BCKDHB: variants seen among roughly 807,000 people sequenced by gnomAD.
The protein encoded by BCKDHB is 2-oxoisovalerate dehydrogenase subunit beta, mitochondrial.
BCKDHB carries 41 observed loss-of-function variants against 48.5 expected under a neutral mutation model. That is an observed-to-expected ratio of 0.85 (90% confidence interval 0.66 to 1.10). The LOEUF (loss-of-function observed/expected upper bound fraction) is 1.10, where lower values mean the gene tolerates loss of function less well. Among genes scored for constraint, BCKDHB ranks in the 50% least tolerant of loss-of-function variants. BCKDHB has a pLI of 0.00. For missense variants in BCKDHB, 496 were observed against 494.2 expected (o/e 1.00, Z -0.03); for synonymous variants, 201 against 174.8 (o/e 1.15, Z -1.18).
At chr6:80,149,819 G>A (rs1771675835) in intron 3 of BCKDHB, among the ~76,000 whole-genome samples, 2 of 142,060 alleles carry the variant, frequency 1.4e-5, no homozygotes, top group Admixed American at 7.2e-5. Flanking sequence ...TACACTCTGG[G>A]GACTGTTATG....
chr6:80,164,052 C>G lies in BCKDHB; in HGVS notation c.344-3626C>G, dbSNP rs535983059. Among the ~76,000 whole-genome samples, 11 of 152,264 alleles carry G rather than the reference C, an allele frequency of 7.2e-5. No homozygotes were observed. The East Asian group carries it at 1.9e-3, about 27-fold the overall frequency. On this transcript the variant is annotated intron_variant, in intron 3 of 9. Coordinates refer to ENST00000320393, the MANE Select transcript of BCKDHB (RefSeq NM_183050.4). Reference sequence around the variant, plus strand: ...CTATTGACAGGCTATTCACCAAATACGAGTCAGAAGGATCCTGTTGAAATG... The same window carrying G: ...CTATTGACAGGCTATTCACCAAATAGGAGTCAGAAGGATCCTGTTGAAATG...
chr6:80,318,829 G>A (rs115140056), intron 9 of BCKDHB, among the ~76,000 whole-genome samples: 6,971 of 151,780 alleles, frequency 0.046, 528 homozygotes, highest in African/African-American at 0.16. Context: ...ATAATCTAGA[G>A]ATGACTTAAA....
At chr6:80,407,332 T>C in the BCKDHB span, among the ~76,000 whole-genome samples, 1 of 152,164 alleles carries the variant, frequency 6.6e-6, no homozygotes, top group African/African-American at 2.4e-5. Flanking sequence ...TTGTCCTTGC[T>C]ATGCAGGCTC....
chr6:80,308,230 C>G (rs1335744629), intron 9 of BCKDHB, among the ~76,000 whole-genome samples: 5 of 151,688 alleles, frequency 3.3e-5, no homozygotes, highest in Admixed American at 6.6e-5. Flanking sequence ...TTGATTCCAG[C>G]TTATTTTCAT....
the BCKDHB span, among the ~76,000 whole-genome samples, chr6:80,416,841 T>G: frequency 1.3e-5 from 2 of 151,854 alleles, no homozygotes; most frequent in African/African-American, 4.8e-5. Flanking sequence ...TTGCTTTTTT[T>G]GTTTGTCTGG....
the BCKDHB span, among the ~76,000 whole-genome samples, chr6:80,426,240 A>T: frequency 6.6e-6 from 1 of 152,146 alleles, no homozygotes. Flanking sequence ...ACTCTATAGG[A>T]TGTTGAATTC....
Position 80,106,904 on chromosome 6 carries a change from T to C in BCKDHB, c.196+15T>C. ...CCGGGAGTACGGTGAGCCCTGGGAC[T>C]GCCCACTCGGTCCCGCTGCAGCCCG... On this transcript the variant is annotated intron_variant, in intron 1 of 9. Coordinates refer to ENST00000320393, the MANE Select transcript of BCKDHB (RefSeq NM_183050.4). 6.3e-7 allele frequency: 1 copy of C among 1,596,156 alleles called. No individual in the cohort carries two copies. The highest frequency in any genetic ancestry group is 8.5e-7 in the Non-Finnish European group (1 of 1,172,238).
chr6:80,432,964 C>T, the BCKDHB span, among the ~76,000 whole-genome samples: 5 of 152,176 alleles, frequency 3.3e-5, no homozygotes, highest in South Asian at 1.0e-3. Flanking sequence ...ACTCCAGACC[C>T]TGTTTGCCTG....
intron 3 of BCKDHB, among the ~76,000 whole-genome samples, chr6:80,136,737 A>G (rs1268804501): frequency 6.6e-6 from 1 of 152,138 alleles, no homozygotes; most frequent in Non-Finnish European, 1.5e-5. Flanking sequence ...TATATGGAGA[A>G]CTTCTAAAAC....
At chr6:80,121,687 T>C (rs980977714) in intron 1 of BCKDHB, among the ~76,000 whole-genome samples, 2 of 152,236 alleles carry the variant, frequency 1.3e-5, no homozygotes, top group East Asian at 3.8e-4. Context: ...ATGCTTGTGA[T>C]TTTTGCACAT....
At chr6:80,308,031 G>A (rs980198294) in intron 9 of BCKDHB, 1 of 526,702 alleles carries the variant, frequency 1.9e-6, no homozygotes, top group Non-Finnish European at 2.4e-6. Flanking sequence ...CCTTGGAAGA[G>A]CTGATAGTCT....
chr6:80,123,745 T>G (rs1770175373), intron 1 of BCKDHB, among the ~76,000 whole-genome samples: 1 of 152,226 alleles, frequency 6.6e-6, no homozygotes, highest in African/African-American at 2.4e-5. Context: ...GATATCTCCT[T>G]TATCATTTTT....
the BCKDHB span, among the ~76,000 whole-genome samples, chr6:80,430,723 A>C: frequency 6.6e-6 from 1 of 151,894 alleles, no homozygotes; most frequent in Non-Finnish European, 1.5e-5. Context: ...CTTCTTTATG[A>C]GTCTCGCTAG....
chr6:80,226,950 C>T (rs1442938238), intron 8 of BCKDHB, among the ~76,000 whole-genome samples: 2 of 152,134 alleles, frequency 1.3e-5, no homozygotes, highest in African/African-American at 4.8e-5. Flanking sequence ...GTGAGTCAAC[C>T]TCTTCTTTAT....
At chr6:80,374,150 C>T in the BCKDHB span, 9 of 714,336 alleles carry the variant, frequency 1.3e-5, no homozygotes, top group Non-Finnish European at 2.3e-5. Flanking sequence ...AGGGAGAGCT[C>T]ATGTATGGGT....
chr6:80,383,829 G>A, the BCKDHB span, among the ~76,000 whole-genome samples: 1 of 151,534 alleles, frequency 6.6e-6, no homozygotes, highest in Non-Finnish European at 1.5e-5. Flanking sequence ...AATACAATAT[G>A]GGTTTAACAT....
intron 9 of BCKDHB, among the ~76,000 whole-genome samples, chr6:80,317,475 TGCATCTCGC>T (rs914752424): frequency 6.6e-6 from 1 of 152,196 alleles, no homozygotes; most frequent in Non-Finnish European, 1.5e-5. Context: ...CCACAGAAAT[TGCATCTCGC>T]GCATCTCGCT....
intron 6 of BCKDHB, among the ~76,000 whole-genome samples, chr6:80,177,225 C>CAAAAAAAAAAAAAAA (rs575991853): frequency 4.6e-5 from 2 of 43,150 alleles, no homozygotes; most frequent in Admixed American, 3.5e-4. Context: ...GACCTTGTCT[C>CAAAAAAAAAAAAAAA]AAAAAAAAAA....
At chr6:80,239,623 A>C (rs532611515) in intron 8 of BCKDHB, among the ~76,000 whole-genome samples, 1 of 152,194 alleles carries the variant, frequency 6.6e-6, no homozygotes, top group South Asian at 2.1e-4. Flanking sequence ...CCCATTTGAC[A>C]ATTTTGGCTT....
Sources: allele counts gnomAD v4.1 joint callset (sites outside exome capture counted in the v4.1 genomes callset), GRCh38; gene constraint gnomAD v4.1.1; transcripts MANE v1.5; gene names NCBI Gene and HGNC (gene_info 2026-07-23, HGNC 2026-07-21).